The following SASH1 variants were observed in gnomAD, a reference collection of about 807,000 sequenced individuals.
SASH1 encodes the protein SAM and SH3 domain-containing protein 1.
In SASH1, 44 loss-of-function variants were observed where a neutral mutation model predicts 125.2. That is an observed-to-expected ratio of 0.35 (90% CI 0.28 to 0.45). The LOEUF (loss-of-function observed/expected upper bound fraction) is 0.45, where lower values mean the gene tolerates loss of function less well. Ranked by LOEUF, SASH1 falls within the 20% of genes least tolerant of loss-of-function variation. The probability of loss-of-function intolerance (pLI) is 1.00; values close to 1 mark genes in which losing one functional copy is unlikely to be tolerated. For missense variants in SASH1, 1,426 were observed against 1,614.5 expected (o/e 0.88, Z 2.00); for synonymous variants, 639 against 649.1 (o/e 0.98, Z 0.24).
At chr6:148,525,488 G>A (rs894708145) in intron 11 of SASH1, 123 bp downstream of exon 11, 21 of 812,958 alleles carry the variant, frequency 2.6e-5, no homozygotes, top group Admixed American at 6.0e-5. Context: ...CCTGAGTCAC[G>A]TTTGGAAAAA....
intron 8 of SASH1, among the ~76,000 whole-genome samples, chr6:148,497,989 G>T (rs1289304520): frequency 6.6e-6 from 1 of 152,080 alleles, no homozygotes; most frequent in African/African-American, 2.4e-5. Context: ...GGCCCATTTG[G>T]CTCTTTGACT....
At chr6:148,537,776 C>CTCTGTGTGTGTG (rs1179993512) in intron 16 of SASH1, among the ~76,000 whole-genome samples, 2 of 125,690 alleles carry the variant, frequency 1.6e-5, no homozygotes, top group South Asian at 6.5e-4. Context: ...TTAGCATATT[C>CTCTGTGTGTGTG]TGTGTGTGTG....
At chr6:148,325,672 G>C (rs114384900) in intron 1 of SASH1, among the ~76,000 whole-genome samples, 1 of 152,118 alleles carries the variant, frequency 6.6e-6, no homozygotes. Context: ...TCTCCCACTG[G>C]GTCCCTCACA....
At chr6:148,336,176 C>CTTTTTTTT (rs61290611) in intron 1 of SASH1, among the ~76,000 whole-genome samples, 8 of 70,762 alleles carry the variant, frequency 1.1e-4, no homozygotes, top group Non-Finnish European at 1.8e-4. Context: ...AAACTGCATC[C>CTTTTTTTT]TTTTTTTTTT....
At chr6:148,430,350 T>G (rs1303991985) in intron 2 of SASH1, among the ~76,000 whole-genome samples, 6 of 152,190 alleles carry the variant, frequency 3.9e-5, no homozygotes, top group Non-Finnish European at 7.4e-5. Context: ...CGTTTTGTTT[T>G]AGTCAGAGTC....
At chr6:148,364,790 C>T (rs1409167475) in intron 1 of SASH1, among the ~76,000 whole-genome samples, 1 of 151,950 alleles carries the variant, frequency 6.6e-6, no homozygotes, top group East Asian at 1.9e-4. Context: ...GTCAAAGATA[C>T]CAATATTAAA....
At chr6:148,292,626 A>C (rs953086874) in intron 1 of SASH1, among the ~76,000 whole-genome samples, 9 of 152,184 alleles carry the variant, frequency 5.9e-5, no homozygotes, top group Admixed American at 4.6e-4. Flanking sequence ...GATGCTCCAC[A>C]TGTGGCTAAA....
chr6:148,509,708 G>A (rs1780007795), intron 8 of SASH1, among the ~76,000 whole-genome samples: 1 of 152,222 alleles, frequency 6.6e-6, no homozygotes, highest in Non-Finnish European at 1.5e-5. Flanking sequence ...TGAAGTATCT[G>A]TTACCGACCA....
chr6:148,216,370 G>A, the SASH1 span, among the ~76,000 whole-genome samples: 1 of 152,040 alleles, frequency 6.6e-6, no homozygotes. Context: ...CGTTGTGCTT[G>A]TGCAGATTGG....
chr6:148,377,704 A>G (rs892104336), intron 1 of SASH1, among the ~76,000 whole-genome samples: 1 of 152,162 alleles, frequency 6.6e-6, no homozygotes, highest in Non-Finnish European at 1.5e-5. Flanking sequence ...CTGTATTGAA[A>G]TTCTAGATCT....
chr6:148,387,599 T>C (rs369475249), intron 1 of SASH1, among the ~76,000 whole-genome samples: 405 of 14,336 alleles, frequency 0.028, 3 homozygotes, highest in Middle Eastern at 0.1. Flanking sequence ...TTTCTTTCTT[T>C]CTTTCTTTCT....
the SASH1 span, among the ~76,000 whole-genome samples, chr6:148,227,491 G>A: frequency 6.6e-6 from 1 of 152,144 alleles, no homozygotes; most frequent in African/African-American, 2.4e-5. Flanking sequence ...CCAGGTAGCT[G>A]AGATTACAGG....
chr6:148,322,934 T>TTTTTCTTCCTTC (rs1562324206), intron 1 of SASH1, among the ~76,000 whole-genome samples: 1 of 129,406 alleles, frequency 7.7e-6, no homozygotes, highest in African/African-American at 2.9e-5. Flanking sequence ...TCTCTCTTTC[T>TTTTTCTTCCTTC]TTTCCTTCCT....
At chr6:148,410,342 C>T (rs1453409730) in intron 2 of SASH1, among the ~76,000 whole-genome samples, 1 of 151,916 alleles carries the variant, frequency 6.6e-6, no homozygotes, top group East Asian at 2.0e-4. Flanking sequence ...AACCCCTGAC[C>T]TTGTGATCTG....
chr6:148,282,955 C>T (rs184589268), intron 1 of SASH1, among the ~76,000 whole-genome samples: 1 of 152,218 alleles, frequency 6.6e-6, no homozygotes, highest in Admixed American at 6.5e-5. Context: ...GAAGACACAC[C>T]TAAAGATGTA....
chr6:148,376,211 C>T lies in SASH1; in HGVS notation c.157-13923C>T, dbSNP rs529933440. Among the ~76,000 whole-genome samples the T allele has an allele frequency of 3.3e-3, 496 of 152,160 alleles. 1 individual carries two copies. Among genetic ancestry groups the T allele is most frequent in the African/African-American group, 0.011 (463 of 41,512 alleles). ...CCTCCCAAGTAGCTAGGATTACAGG[C>T]GTGTGCCACCATGCCTAGCTAATTT... On this transcript the variant is annotated intron_variant, in intron 1 of 19. Coordinates refer to ENST00000367467, the MANE Select transcript of SASH1 (RefSeq NM_015278.5).
chr6:148,292,581 C>A (rs1260163292), intron 1 of SASH1, among the ~76,000 whole-genome samples: 1 of 152,112 alleles, frequency 6.6e-6, no homozygotes, highest in Admixed American at 6.5e-5. Context: ...GTGTAAAGGG[C>A]ATGTTACTTA....
upstream of SASH1, chr6:148,342,555 G>C (rs936431197): frequency 6.6e-6 from 1 of 152,172 alleles, no homozygotes. Context: ...GCTTTCTTTA[G>C]CCTCGAGGGA....
the SASH1 span, among the ~76,000 whole-genome samples, chr6:148,246,186 A>G: frequency 2.6e-5 from 4 of 151,980 alleles, no homozygotes; most frequent in African/African-American, 7.3e-5. Flanking sequence ...TATTCTTGAG[A>G]GTTGACAGAA....
Sources: gnomAD v4.1 joint callset for allele counts (sites outside exome capture counted in the v4.1 genomes callset) on GRCh38, gnomAD v4.1.1 for gene constraint, MANE v1.5 for transcripts, NCBI Gene and HGNC (gene_info 2026-07-23, HGNC 2026-07-21) for gene names.